ZFP90: variants seen among roughly 807,000 people sequenced by gnomAD.
ZFP90 encodes the protein zinc finger protein 90 homolog.
In ZFP90, 38 loss-of-function variants were observed where a neutral mutation model predicts 60.8. That is an observed-to-expected ratio of 0.62 (90% CI 0.48 to 0.82). The LOEUF (loss-of-function observed/expected upper bound fraction) is 0.82, where lower values mean the gene tolerates loss of function less well. Ranked by LOEUF, ZFP90 falls within the 40% of genes least tolerant of loss-of-function variation. The pLI is 0.00. For missense variants in ZFP90, 711 were observed against 759.1 expected (o/e 0.94, Z 0.74); for synonymous variants, 287 against 264.8 (o/e 1.08, Z -0.82).
chr16:68,550,001 G>C (rs1180863278), intron 2 of ZFP90, among the ~76,000 whole-genome samples: 2 of 152,194 alleles, frequency 1.3e-5, no homozygotes, highest in Non-Finnish European at 2.9e-5. Flanking sequence ...TTGAGAGAAA[G>C]ATGGCCTGAG....
At chr16:68,570,760 A>G (rs1386394384), downstream of ZFP90, among the ~76,000 whole-genome samples, 1 of 152,168 alleles carries the variant, frequency 6.6e-6, no homozygotes, top group Non-Finnish European at 1.5e-5. Context: ...TATTTGATAC[A>G]TTAGTTGATC....
At chr16:68,570,437 G>A (rs936128993), downstream of ZFP90, among the ~76,000 whole-genome samples, 2 of 152,190 alleles carry the variant, frequency 1.3e-5, no homozygotes, top group African/African-American at 4.8e-5. Context: ...GTGGACAGTT[G>A]GCTAGCTATA....
chr16:68,566,979 C>T lies in ZFP90; in HGVS notation c.*2281C>T. On this transcript the variant is annotated 3_prime_UTR_variant, in exon 5 of 5. Coordinates refer to ENST00000563169, the MANE Select transcript of ZFP90 (RefSeq NM_001305203.2). The stretch of plus-strand genomic sequence containing the variant: ...ACATCTTCATTGACAGGGAGGGAGC[C>T]CAGGACATATGTGTGGCTCATTGAC... 1.0e-6 allele frequency: 1 copy of T among 985,608 alleles called. No homozygotes were observed. Among genetic ancestry groups the T allele is most frequent in the Non-Finnish European group, 1.2e-6 (1 of 829,994 alleles). 61.1% of individuals were successfully genotyped at this position (985,608 alleles called of 1,614,324 possible).
chr16:68,569,118 CTA>C (rs1236226988), downstream of ZFP90, among the ~76,000 whole-genome samples: 1 of 148,956 alleles, frequency 6.7e-6, no homozygotes, highest in Non-Finnish European at 1.5e-5. Flanking sequence ...AGAAAAACAA[CTA>C]TGACAATTAG....
At chr16:68,560,589 T>C (rs1433963627) in intron 4 of ZFP90, among the ~76,000 whole-genome samples, 1 of 152,020 alleles carries the variant, frequency 6.6e-6, no homozygotes, top group African/African-American at 2.4e-5. Context: ...AGAATCTCAC[T>C]CTGTCACCCA....
chr16:68,547,540 CTG>C (rs2091172154), intron 2 of ZFP90, among the ~76,000 whole-genome samples: 1 of 152,078 alleles, frequency 6.6e-6, no homozygotes, highest in Non-Finnish European at 1.5e-5. Flanking sequence ...CTTAGGACCT[CTG>C]TATTTGTTTT....
In ZFP90 at chr16:68,564,911, A is replaced by G. The variant is rs1331792144; in HGVS notation, c.*213A>G. 3.0e-6 allele frequency: 4 copies of G among 1,320,558 alleles called. No individual in the cohort carries two copies. Among genetic ancestry groups the G allele is most frequent in the African/African-American group, 3.0e-5 (2 of 66,158 alleles). The allele number at this position is 1,320,558 out of a possible 1,614,324, so 81.8% of individuals were successfully genotyped here. A position where few individuals can be genotyped will look rare whatever the true frequency, so the allele number is the denominator to read the frequency against. On this transcript the variant is annotated 3_prime_UTR_variant, in exon 5 of 5. Coordinates refer to ENST00000563169, the MANE Select transcript of ZFP90 (RefSeq NM_001305203.2). ...GACTAGTGTAAAAACAGCTACATGTATGTAGCTGGTTGGGGATGATATGCC... is the reference window on the plus strand; with the variant it reads ...GACTAGTGTAAAAACAGCTACATGTGTGTAGCTGGTTGGGGATGATATGCC...
intron 2 of ZFP90, among the ~76,000 whole-genome samples, chr16:68,573,188 G>A (rs892658373): frequency 1.3e-5 from 2 of 152,246 alleles, no homozygotes; most frequent in African/African-American, 4.8e-5. Context: ...GGAGCCATAA[G>A]GCTGTGTCAA....
chr16:68,563,630 C>G lies in ZFP90; in HGVS notation c.843C>G (p.Pro281=), dbSNP rs376115558. ...EHQRIHTGEK[P]FECNVCGKAF... ...AGAGAATTCACACTGGGGAGAAACC[C>G]TTTGAATGCAATGTATGTGGAAAGG... The change falls in exon 5 of 5, where the codon CCC becomes CCG. Residue 281 remains proline, a synonymous_variant. Transcript: ENST00000563169. The G allele has an allele frequency of 3.7e-6, 6 of 1,614,008 alleles. No homozygotes were observed. In the African/African-American group the frequency reaches 6.7e-5, roughly 18 times the overall value.
intron 2 of ZFP90, among the ~76,000 whole-genome samples, chr16:68,545,213 G>GGAGT (rs2091127545): frequency 6.6e-6 from 1 of 151,912 alleles, no homozygotes; most frequent in Non-Finnish European, 1.5e-5. Flanking sequence ...TACATGGAAT[G>GGAGT]GAGTGGTGCA....
chr16:68,553,121 T>G (rs1343921928), intron 2 of ZFP90, among the ~76,000 whole-genome samples: 1 of 152,146 alleles, frequency 6.6e-6, no homozygotes, highest in Admixed American at 6.5e-5. Flanking sequence ...CAATGGAGAT[T>G]CAACAGTAAA....
In ZFP90 at chr16:68,576,032, C is replaced by G. The variant is rs942519930; in HGVS notation, c.*156C>G. ...GTTCCCCTTGCAGCAAGCTAGGAAACATTTATTTAAAAAAAAAAAAAAAAA... is the reference window on the plus strand; with the variant it reads ...GTTCCCCTTGCAGCAAGCTAGGAAAGATTTATTTAAAAAAAAAAAAAAAAA... On this transcript the variant is annotated 3_prime_UTR_variant, in exon 3 of 3. Transcript: ENST00000573113. The G allele has an allele frequency of 3.5e-5, 7 of 201,918 alleles. No individual in the cohort carries two copies. In the East Asian group the frequency reaches 5.3e-4, roughly 15 times the overall value. The allele number at this position is 201,918 out of a possible 1,614,324, so 12.5% of individuals were successfully genotyped here. A position where few individuals can be genotyped will look rare whatever the true frequency, so the allele number is the denominator to read the frequency against.
At chr16:68,548,405 G>C (rs1276621071) in intron 2 of ZFP90, among the ~76,000 whole-genome samples, 3 of 140,292 alleles carry the variant, frequency 2.1e-5, no homozygotes, top group African/African-American at 7.9e-5. Flanking sequence ...GAATTTAAAA[G>C]TTTTTTGTTA....
downstream of ZFP90, among the ~76,000 whole-genome samples, chr16:68,571,041 CTT>C (rs1162262884): frequency 6.6e-6 from 1 of 152,106 alleles, no homozygotes; most frequent in Non-Finnish European, 1.5e-5. Flanking sequence ...GAAGTGTGGT[CTT>C]GGGTGGCTGG....
At chr16:68,569,921 C>G (rs201059940), downstream of ZFP90, among the ~76,000 whole-genome samples, 3 of 152,052 alleles carry the variant, frequency 2.0e-5, no homozygotes, top group Non-Finnish European at 4.4e-5. Flanking sequence ...AGATCCCATC[C>G]TTAAACTAGG....
In ZFP90 at chr16:68,575,924, G is replaced by A. The variant is rs547544998; in HGVS notation, c.*48G>A. The A allele has an allele frequency of 1.7e-4, 69 of 396,802 alleles. 2 individuals are homozygous for A. In the Middle Eastern group the frequency reaches 3.8e-3, roughly 22 times the overall value. 24.6% of individuals were successfully genotyped at this position (396,802 alleles called of 1,614,324 possible). A position where few individuals can be genotyped will look rare whatever the true frequency, so the allele number is the denominator to read the frequency against. On this transcript the variant is annotated 3_prime_UTR_variant, in exon 3 of 3. Transcript: ENST00000573113. ...AGGACCTCCAGAAGTTCTCTGCCCC[G>A]TACAAGCCATGCAAATACTGACAAA...
chr16:68,552,242 C>T (rs928892951), intron 2 of ZFP90, among the ~76,000 whole-genome samples: 3 of 152,146 alleles, frequency 2.0e-5, no homozygotes, highest in Non-Finnish European at 4.4e-5. Flanking sequence ...TGCATTTTAC[C>T]TATTTACTCC....
intron 3 of ZFP90, 61 bp downstream of exon 3, chr16:68,558,185 T>C (rs1456456071): frequency 4.4e-6 from 7 of 1,599,284 alleles, no homozygotes; most frequent in Non-Finnish European, 5.1e-6. Context: ...TTGGTTGCTA[T>C]AGTGGTGGTG....
chr16:68,545,364 C>T (rs1310444730), intron 2 of ZFP90, among the ~76,000 whole-genome samples: 1 of 152,162 alleles, frequency 6.6e-6, no homozygotes, highest in African/African-American at 2.4e-5. Context: ...CAATTTTATA[C>T]TTTCTGCTAC....
Sources: allele counts gnomAD v4.1 joint callset (sites outside exome capture counted in the v4.1 genomes callset), GRCh38; gene constraint gnomAD v4.1.1; transcripts MANE v1.5; gene names NCBI Gene and HGNC (gene_info 2026-07-23, HGNC 2026-07-21).